TANC2: variants seen among roughly 807,000 people sequenced by gnomAD.
TANC2 encodes the protein tetratricopeptide repeat, ankyrin repeat and coiled-coil containing 2.
A neutral mutation model predicts 210.5 loss-of-function variants in TANC2; 26 were observed. The observed-to-expected ratio is 0.12, with a 90% confidence interval of 0.09 to 0.17. The LOEUF (loss-of-function observed/expected upper bound fraction) is 0.17. Among genes scored for constraint, TANC2 ranks in the 10% least tolerant of loss-of-function variants. The pLI, the probability that TANC2 is intolerant of heterozygous loss-of-function variation, is 1.00. For synonymous variants in TANC2, 931 were observed against 967.1 expected (o/e 0.96, Z 0.69); for missense variants, 2,129 against 2,608.9 (o/e 0.82, Z 4.01).
At chr17:63,296,439 GAGGCAGA>G (rs1356071579) in intron 9 of TANC2, among the ~76,000 whole-genome samples, 104 of 152,190 alleles carry the variant, frequency 6.8e-4, no homozygotes, top group Non-Finnish European at 1.3e-4. Context: ...CCCTGTGAAG[GAGGCAGA>G]ATCTGATATC....
Position 63,105,051 on chromosome 17 carries a change from G to A in TANC2, c.322+5694G>A, listed in dbSNP as rs915366165. On this transcript the variant is annotated intron_variant, in intron 4 of 27. Coordinates refer to ENST00000689528, the Ensembl canonical transcript of TANC2. The stretch of plus-strand genomic sequence containing the variant: ...TTATTATAGTTTCTAAAGAGATGTG[G>A]GTATTGAGTGTTTATCAGCTATGTC... Among the ~76,000 whole-genome samples, 11 of 151,592 alleles carry A rather than the reference G, an allele frequency of 7.3e-5. No individual in the cohort carries two copies. In the South Asian group the frequency reaches 1.0e-3, roughly 14 times the overall value.
At chr17:62,985,049 G>T (rs1341683478) in intron 1 of TANC2, among the ~76,000 whole-genome samples, 1 of 152,220 alleles carries the variant, frequency 6.6e-6, no homozygotes, top group Non-Finnish European at 1.5e-5. Flanking sequence ...AGCGCTGACA[G>T]TGGGTGTTGA....
intron 21 of TANC2, among the ~76,000 whole-genome samples, chr17:63,410,592 A>T (rs1235017421): frequency 6.6e-6 from 1 of 152,094 alleles, no homozygotes; most frequent in Non-Finnish European, 1.5e-5. Context: ...TGCTCAGCTC[A>T]GAAAACATTC....
chr17:63,152,241 C>T (rs1598481713), intron 5 of TANC2: 1 of 152,088 alleles, frequency 6.6e-6, no homozygotes, highest in Non-Finnish European at 1.5e-5. Flanking sequence ...TACATATTTA[C>T]AGCATGAGGG....
intron 8 of TANC2, among the ~76,000 whole-genome samples, chr17:63,263,013 C>G (rs900646790): frequency 5.9e-5 from 9 of 152,222 alleles, no homozygotes; most frequent in Middle Eastern, 3.4e-3. Context: ...AACTAGCTTT[C>G]AAATACTTAT....
At chr17:63,226,355 C>T (rs551147491) in intron 7 of TANC2, among the ~76,000 whole-genome samples, 28 of 152,190 alleles carry the variant, frequency 1.8e-4, no homozygotes, top group Non-Finnish European at 3.5e-4. Context: ...TAGGAGAAAC[C>T]GGGATAAAAT....
In TANC2 at chr17:63,247,192, T is replaced by C. The variant is rs76371888; in HGVS notation, c.1033+9115T>C. ...CTGGATACAAGTCACATCAGACATG[T>C]ATTTGCAAATACTTCAGTCTGTTGC... is the stretch of plus-strand genomic sequence containing the variant. On this transcript the variant is annotated intron_variant, in intron 8 of 27. Coordinates refer to ENST00000689528, the Ensembl canonical transcript of TANC2. 7.2e-4 allele frequency among the ~76,000 whole-genome samples: 110 copies of C among 152,258 alleles called. 1 individual carries two copies. Among genetic ancestry groups the C allele is most frequent in the African/African-American group, 2.6e-3 (108 of 41,582 alleles).
rs570279417 is a variant in TANC2, at chr17:63,147,188, C to T, written c.323-4082C>T. Among the ~76,000 whole-genome samples the T allele has an allele frequency of 8.8e-5, 13 of 147,242 alleles. 1 individual carries two copies. The East Asian group carries it at 1.6e-3, about 18-fold the overall frequency. On this transcript the variant is annotated intron_variant, in intron 4 of 27. Coordinates refer to ENST00000689528, the Ensembl canonical transcript of TANC2. ...TCTCTACCAAAAAAAAAAGAAATAA[C>T]GAAAATTACCCAAGCGTGGTGGCAC... is the stretch of plus-strand genomic sequence containing the variant.
At chr17:63,032,450 C>G (rs144175879) in intron 2 of TANC2, among the ~76,000 whole-genome samples, 1 of 152,006 alleles carries the variant, frequency 6.6e-6, no homozygotes, top group East Asian at 1.9e-4. Flanking sequence ...CAGAAAGGGG[C>G]GTATGTGACT....
At position 63,419,992 on chromosome 17, in the gene TANC2, C is replaced by A; in HGVS notation, c.4269-7C>A. ...TCCAGTTCCTGTGTTCACATTTTGT[C>A]AAGCAGACAGTTCGCAGCAGCCTTA... On this transcript the variant is annotated splice_polypyrimidine_tract_variant and splice_region_variant and intron_variant, in intron 27 of 27. Transcript: ENST00000689528. 1 of 1,530,560 alleles carries A rather than the reference C, an allele frequency of 6.5e-7. No individual in the cohort carries two copies. Among genetic ancestry groups the A allele is most frequent in the Non-Finnish European group, 8.8e-7 (1 of 1,134,278 alleles). The allele number at this position is 1,530,560 out of a possible 1,614,324, so 94.8% of individuals were successfully genotyped here.
chr17:63,303,276 C>T (rs188933507), intron 9 of TANC2, among the ~76,000 whole-genome samples: 1 of 152,292 alleles, frequency 6.6e-6, no homozygotes, highest in East Asian at 1.9e-4. Context: ...CCTTCAGGAG[C>T]TCTTGCAAGG....
intron 1 of TANC2, among the ~76,000 whole-genome samples, chr17:63,005,471 TA>T (rs1388221890): frequency 7.0e-6 from 1 of 142,452 alleles, no homozygotes; most frequent in African/African-American, 2.7e-5. Context: ...TTGCAATTTC[TA>T]AAAAATAACA....
chr17:63,242,607 A>G (rs894551372), intron 8 of TANC2, among the ~76,000 whole-genome samples: 3 of 152,112 alleles, frequency 2.0e-5, no homozygotes, highest in African/African-American at 4.8e-5. Context: ...TAATTATAAT[A>G]TATGTAAGAG....
chr17:63,093,000 A>G (rs919868533), intron 3 of TANC2, among the ~76,000 whole-genome samples: 5 of 152,126 alleles, frequency 3.3e-5, no homozygotes, highest in African/African-American at 1.2e-4. Flanking sequence ...TTTATTAGAT[A>G]TGTGTTTTGC....
intron 5 of TANC2, chr17:63,153,017 T>C (rs1325956767): frequency 2.0e-5 from 3 of 152,192 alleles, no homozygotes; most frequent in African/African-American, 7.2e-5. Flanking sequence ...CCTTTTCTTA[T>C]CTGAAACAAT....
At chr17:63,054,627 A>T (rs1470181739) in intron 2 of TANC2, among the ~76,000 whole-genome samples, 3 of 150,578 alleles carry the variant, frequency 2.0e-5, no homozygotes, top group African/African-American at 7.3e-5. Context: ...TTGATCCCCC[A>T]GCCTTGGCCT....
At chr17:63,053,633 A>G (rs572937155) in intron 2 of TANC2, among the ~76,000 whole-genome samples, 1 of 152,268 alleles carries the variant, frequency 6.6e-6, no homozygotes. Context: ...TTATTTACTA[A>G]TGATTTGTGT....
chr17:63,043,013 CTATT>C (rs1263484803), intron 2 of TANC2, among the ~76,000 whole-genome samples: 10 of 151,998 alleles, frequency 6.6e-5, no homozygotes, highest in Non-Finnish European at 4.4e-5. Flanking sequence ...GTTCATAAAA[CTATT>C]TGTATTTTAG....
intron 11 of TANC2, among the ~76,000 whole-genome samples, chr17:63,336,767 A>G (rs905939382): frequency 1.9e-4 from 29 of 152,240 alleles, no homozygotes; most frequent in Admixed American, 1.8e-3. Flanking sequence ...TGTAAGAAAG[A>G]CATAGCTAAA....
Sources: gnomAD v4.1 joint callset for allele counts (sites outside exome capture counted in the v4.1 genomes callset) on GRCh38, gnomAD v4.1.1 for gene constraint, MANE v1.5 for transcripts, NCBI Gene and HGNC (gene_info 2026-07-23, HGNC 2026-07-21) for gene names.